The following SDK1 variants were observed in gnomAD, a reference collection of about 807,000 sequenced individuals.
SDK1 encodes protein sidekick-1.
Under a neutral mutation model 245.5 loss-of-function variants are expected in SDK1, and 157 were observed. The ratio of observed to expected loss-of-function variants is 0.64; its 90% confidence interval spans 0.56 to 0.73. The LOEUF (loss-of-function observed/expected upper bound fraction) is 0.73, where lower values mean the gene tolerates loss of function less well. Ranked by LOEUF, SDK1 falls within the 30% of genes least tolerant of loss-of-function variation. The pLI is 0.00. For synonymous variants in SDK1, 1,647 were observed against 1,278.5 expected (o/e 1.29, Z -6.15); for missense variants, 3,583 against 3,002.3 (o/e 1.19, Z -4.52).
At chr7:3,622,188 A>G (rs1188194201) in intron 2 of SDK1, among the ~76,000 whole-genome samples, 1 of 152,124 alleles carries the variant, frequency 6.6e-6, no homozygotes, top group South Asian at 2.1e-4. Flanking sequence ...ATTTAAAACA[A>G]TTTTGTAGGC....
At chr7:4,063,597 C>CAAAAAAAAAAAAAA (rs35423286) in intron 19 of SDK1, among the ~76,000 whole-genome samples, 31 of 125,114 alleles carry the variant, frequency 2.5e-4, no homozygotes, top group East Asian at 2.4e-3. Context: ...ACAGAAATAG[C>CAAAAAAAAAAAAAA]AAAAAAAAAA....
chr7:3,320,490 C>T (rs1056091478), intron 1 of SDK1, among the ~76,000 whole-genome samples: 1 of 152,138 alleles, frequency 6.6e-6, no homozygotes, highest in Non-Finnish European at 1.5e-5. Context: ...TTGATTTCCT[C>T]CTGCTCCCAC....
intron 5 of SDK1, among the ~76,000 whole-genome samples, chr7:3,913,871 G>A (rs1468474304): frequency 6.6e-6 from 1 of 152,140 alleles, no homozygotes; most frequent in Non-Finnish European, 1.5e-5. Flanking sequence ...TTAAGCCAGA[G>A]TAAATAAAAA....
chr7:4,265,139 T>TACGAGG lies in SDK1; in HGVS notation c.6401_6406dup (p.Glu2134_Asp2135dup), dbSNP rs1213371292. The TACGAGG allele has an allele frequency of 2.8e-5, 45 of 1,611,890 alleles. No homozygotes were observed. The highest frequency in any genetic ancestry group is 3.4e-5 in the Non-Finnish European group (40 of 1,179,598). On this transcript the variant is annotated inframe_insertion, in exon 45 of 45. Transcript: ENST00000404826. The stretch of plus-strand genomic sequence containing the variant: ...CTCCCCGCAGGCCACGGACTCTGAC[T>TACGAGG]ACGAGGACGCGCTGCCCAAGCACTC...
chr7:3,707,119 C>T (rs1020006204), intron 4 of SDK1, among the ~76,000 whole-genome samples: 1 of 151,938 alleles, frequency 6.6e-6, no homozygotes, highest in African/African-American at 2.4e-5. Context: ...GTTCTTGTTT[C>T]TCTAGTTCCT....
chr7:4,071,244 T>C (rs1186652), intron 20 of SDK1, among the ~76,000 whole-genome samples: 151,875 of 152,158 alleles, frequency 1, 75,798 homozygotes, highest in East Asian at 1. Flanking sequence ...AGGCTGGTCT[T>C]GAACTCCTGA....
intron 4 of SDK1, among the ~76,000 whole-genome samples, chr7:3,709,706 A>T (rs1784987548): frequency 6.6e-6 from 1 of 152,256 alleles, no homozygotes; most frequent in African/African-American, 2.4e-5. Context: ...GAAAAAAAGA[A>T]GTTTTCCTAT....
chr7:4,111,126 C>T (rs868149338), intron 23 of SDK1, among the ~76,000 whole-genome samples: 41 of 152,298 alleles, frequency 2.7e-4, no homozygotes, highest in African/African-American at 4.3e-4. Flanking sequence ...ATTAACGTGC[C>T]GTGTGCAAAC....
At chr7:3,590,387 T>C (rs2128635431) in intron 1 of SDK1, among the ~76,000 whole-genome samples, 1 of 141,608 alleles carries the variant, frequency 7.1e-6, no homozygotes, top group East Asian at 2.2e-4. Context: ...TATGGATAAA[T>C]TGGAAAATCA....
intron 1 of SDK1, among the ~76,000 whole-genome samples, chr7:3,533,158 G>A (rs1783405607): frequency 6.6e-6 from 1 of 152,196 alleles, no homozygotes; most frequent in South Asian, 2.1e-4. Flanking sequence ...AACCTTGAGT[G>A]CATGTGGTGT....
At chr7:4,243,301 C>T (rs1356010423) in intron 43 of SDK1, among the ~76,000 whole-genome samples, 1 of 152,208 alleles carries the variant, frequency 6.6e-6, no homozygotes, top group Admixed American at 6.5e-5. Context: ...TGGAGGTTCT[C>T]AGCCCACAAA....
intron 1 of SDK1, among the ~76,000 whole-genome samples, chr7:3,481,116 T>C (rs1311795963): frequency 1.3e-5 from 2 of 152,208 alleles, no homozygotes; most frequent in African/African-American, 4.8e-5. Context: ...TTTTTACCAT[T>C]TTATTTTGTC....
intron 1 of SDK1, among the ~76,000 whole-genome samples, chr7:3,587,436 C>T (rs1318471831): frequency 6.6e-6 from 1 of 151,972 alleles, no homozygotes; most frequent in Non-Finnish European, 1.5e-5. Context: ...TGGTGTAGTT[C>T]AGGAGTGTTA....
intron 44 of SDK1, among the ~76,000 whole-genome samples, chr7:4,262,660 G>A (rs1041596151): frequency 6.8e-6 from 1 of 146,604 alleles, no homozygotes; most frequent in Non-Finnish European, 1.5e-5. Context: ...GATGTCACAC[G>A]ATCACTTGCA....
At chr7:3,622,750 T>G (rs1037637890) in intron 2 of SDK1, among the ~76,000 whole-genome samples, 3 of 152,200 alleles carry the variant, frequency 2.0e-5, no homozygotes, top group Non-Finnish European at 4.4e-5. Context: ...AAATAAGCTA[T>G]GTGCTTCACT....
intron 5 of SDK1, among the ~76,000 whole-genome samples, chr7:3,841,522 A>G (rs1780157613): frequency 6.6e-6 from 1 of 152,162 alleles, no homozygotes; most frequent in Non-Finnish European, 1.5e-5. Flanking sequence ...GGCTAGAACC[A>G]GAACTGCCCA....
At chr7:3,646,614 C>G (rs924978211) in intron 4 of SDK1, among the ~76,000 whole-genome samples, 2 of 152,218 alleles carry the variant, frequency 1.3e-5, no homozygotes, top group African/African-American at 4.8e-5. Context: ...ATGCTCACTT[C>G]TGGATCAGCC....
chr7:4,262,346 C>G (rs1349977283), intron 44 of SDK1, among the ~76,000 whole-genome samples: 9 of 151,814 alleles, frequency 5.9e-5, no homozygotes, highest in Non-Finnish European at 1.0e-4. Context: ...ACGGTCCTTC[C>G]AATGACTTCA....
chr7:3,798,489 T>G (rs1204243274), intron 4 of SDK1, among the ~76,000 whole-genome samples: 1 of 152,128 alleles, frequency 6.6e-6, no homozygotes, highest in Non-Finnish European at 1.5e-5. Flanking sequence ...AGTGCTGGGA[T>G]TACAGGTGTG....
Sources: allele counts gnomAD v4.1 joint callset (sites outside exome capture counted in the v4.1 genomes callset), GRCh38; gene constraint gnomAD v4.1.1; transcripts MANE v1.5; gene names NCBI Gene and HGNC (gene_info 2026-07-23, HGNC 2026-07-21).